Variants in CCDC192 observed in about 807,000 individuals in gnomAD.
CCDC192 encodes coiled-coil domain containing 192, also known as coiled-coil domain-containing protein 192.
chr5:127,781,479 A>G (rs1017134796), intron 3 of CCDC192, among the ~76,000 whole-genome samples: 1 of 150,156 alleles, frequency 6.7e-6, no homozygotes. Flanking sequence ...ATGTGTTTCC[A>G]TTTTTTTGTG....
intron 6 of CCDC192, among the ~76,000 whole-genome samples, chr5:127,884,968 C>T (rs1752507141): frequency 6.6e-6 from 1 of 152,124 alleles, no homozygotes; most frequent in African/African-American, 2.4e-5. Flanking sequence ...CCAGTGTTTT[C>T]TAACTACACC....
At chr5:127,872,107 G>A (rs1214917956) in intron 5 of CCDC192, among the ~76,000 whole-genome samples, 1 of 152,140 alleles carries the variant, frequency 6.6e-6, no homozygotes, top group Non-Finnish European at 1.5e-5. Context: ...TGCCCAAAGG[G>A]CTTGGTTAAA....
chr5:127,825,296 A>C (rs552305679), intron 5 of CCDC192, among the ~76,000 whole-genome samples: 23 of 152,378 alleles, frequency 1.5e-4, no homozygotes, highest in African/African-American at 5.5e-4. Flanking sequence ...GTCTTAGATC[A>C]TCAAGAGTAC....
intron 6 of CCDC192, among the ~76,000 whole-genome samples, chr5:127,905,179 A>G (rs902465126): frequency 6.6e-6 from 1 of 152,196 alleles, no homozygotes; most frequent in Admixed American, 6.5e-5. Context: ...TCTGTAGACT[A>G]ACTTAGTCTA....
rs115133311 is a variant in CCDC192, at chr5:127,861,934, C to T, written c.412-13604C>T. The stretch of plus-strand genomic sequence containing the variant: ...TGAAATAACTGAAAAATGTACTGAG[C>T]GTGAAAACAGGTATGGAAACATTTT... On this transcript the variant is annotated intron_variant, in intron 5 of 6. Transcript: ENST00000514853. Among the ~76,000 whole-genome samples the T allele has an allele frequency of 7.7e-3, 1,164 of 152,142 alleles. 16 individuals are homozygous for T. The highest frequency in any genetic ancestry group is 0.026 in the African/African-American group (1,068 of 41,508).
At chr5:127,841,471 A>AT (rs944952269) in intron 5 of CCDC192, among the ~76,000 whole-genome samples, 1 of 151,610 alleles carries the variant, frequency 6.6e-6, no homozygotes, top group African/African-American at 2.4e-5. Context: ...GTGTTTGCCA[A>AT]TTTTTTTTTA....
intron 3 of CCDC192, among the ~76,000 whole-genome samples, chr5:127,770,566 TC>T (rs1322553918): frequency 2.6e-5 from 4 of 152,228 alleles, no homozygotes; most frequent in Non-Finnish European, 1.5e-5. Flanking sequence ...GTAAGTGATT[TC>T]CCCTTGCTCC....
chr5:127,802,397 A>G (rs966455625), intron 5 of CCDC192, among the ~76,000 whole-genome samples: 2 of 152,174 alleles, frequency 1.3e-5, no homozygotes, highest in Non-Finnish European at 2.9e-5. Flanking sequence ...CATGTTGACA[A>G]TGGGGACCTG....
intron 3 of CCDC192, among the ~76,000 whole-genome samples, chr5:127,782,902 A>G (rs1274487172): frequency 6.6e-6 from 1 of 150,882 alleles, no homozygotes; most frequent in Non-Finnish European, 1.5e-5. Flanking sequence ...GTGACCATAG[A>G]TTGTCAGTTT....
chr5:127,879,157 G>T (rs1333808111), intron 6 of CCDC192, among the ~76,000 whole-genome samples: 4 of 152,094 alleles, frequency 2.6e-5, no homozygotes, highest in Non-Finnish European at 5.9e-5. Flanking sequence ...GAACAAAGCT[G>T]GAGGCATCAC....
At chr5:127,774,519 C>G (rs1755748847) in intron 3 of CCDC192, among the ~76,000 whole-genome samples, 1 of 152,170 alleles carries the variant, frequency 6.6e-6, no homozygotes, top group Non-Finnish European at 1.5e-5. Context: ...TCTTCTTTGC[C>G]TATTAAACTG....
chr5:127,931,504 T>A (rs1480272948), intron 6 of CCDC192, among the ~76,000 whole-genome samples: 1 of 152,222 alleles, frequency 6.6e-6, no homozygotes, highest in African/African-American at 2.4e-5. Flanking sequence ...CTCCTCCAGC[T>A]GTGCATATTG....
chr5:127,771,567 G>A (rs1161911982), intron 3 of CCDC192, among the ~76,000 whole-genome samples: 1 of 152,204 alleles, frequency 6.6e-6, no homozygotes, highest in African/African-American at 2.4e-5. Context: ...AGAAAATGCA[G>A]AAGTGGATTG....
intron 2 of CCDC192, among the ~76,000 whole-genome samples, chr5:127,724,990 T>C (rs1342460318): frequency 6.6e-6 from 1 of 152,228 alleles, no homozygotes; most frequent in East Asian, 1.9e-4. Flanking sequence ...TAAGTCATTT[T>C]TCAAATAATT....
chr5:127,862,758 T>G (rs943833647), intron 5 of CCDC192, among the ~76,000 whole-genome samples: 23 of 152,116 alleles, frequency 1.5e-4, no homozygotes, highest in African/African-American at 5.3e-4. Flanking sequence ...TATCATAAGG[T>G]TTCCTATTTC....
intron 6 of CCDC192, among the ~76,000 whole-genome samples, chr5:127,896,552 G>T (rs544296590): frequency 3.3e-5 from 5 of 151,986 alleles, no homozygotes; most frequent in South Asian, 2.1e-4. Flanking sequence ...TCCTGCTTCA[G>T]TCTCCTGAGC....
chr5:127,816,920 A>G (rs1749051569), intron 5 of CCDC192, among the ~76,000 whole-genome samples: 1 of 152,208 alleles, frequency 6.6e-6, no homozygotes, highest in African/African-American at 2.4e-5. Flanking sequence ...TGTAGGCTGG[A>G]AAAATATTAG....
At chr5:127,863,310 T>C (rs962236642) in intron 5 of CCDC192, among the ~76,000 whole-genome samples, 2 of 152,240 alleles carry the variant, frequency 1.3e-5, no homozygotes, top group African/African-American at 2.4e-5. Context: ...TACCATGGAA[T>C]AGTATTCAGC....
chr5:127,786,616 C>A, intron 3 of CCDC192: 2 of 751,308 alleles, frequency 2.7e-6, no homozygotes, highest in Non-Finnish European at 5.0e-6. Context: ...TCACGGTGAA[C>A]CCAGTGTCTA....
Sources: allele counts gnomAD v4.1 joint callset (sites outside exome capture counted in the v4.1 genomes callset), GRCh38; gene constraint gnomAD v4.1.1; transcripts MANE v1.5; gene names NCBI Gene and HGNC (gene_info 2026-07-23, HGNC 2026-07-21).